Variants in GGACT observed in about 807,000 individuals in gnomAD.
GGACT encodes the protein gamma-glutamylaminecyclotransferase.
For synonymous variants in GGACT, 118 were observed against 115.3 expected, an observed-to-expected ratio of 1.02 and a Z score of -0.15; for missense variants, 241 against 233.2, an observed-to-expected ratio of 1.03 and a Z score of -0.22.
intron 2 of GGACT, among the ~76,000 whole-genome samples, chr13:100,543,485 A>C (rs1019558351): frequency 1.3e-5 from 2 of 152,160 alleles, no homozygotes; most frequent in Admixed American, 6.5e-5. Flanking sequence ...GATTGCAGGC[A>C]TGAGCCAGCA....
chr13:100,540,071 C>T, intron 2 of GGACT: 10 of 1,364,016 alleles, frequency 7.3e-6, no homozygotes, highest in South Asian at 3.5e-5. Context: ...ACATAGGCAT[C>T]GAAGACGCTC....
At position 100,581,019 on chromosome 13, in the gene GGACT, CA is replaced by C. The variant is rs1367603415; in HGVS notation, c.-11+2805del. 1.7e-4 allele frequency among the ~76,000 whole-genome samples: 26 copies of C among 152,296 alleles called. No individual in the cohort carries two copies. The East Asian group carries it at 4.8e-3, about 28-fold the overall frequency. ...CACTGTTGGAATGGGAGGTGAGAGA[CA>C]GCAGGGAAAACGCAAGAGTGATCCA... On this transcript the variant is annotated intron_variant, in intron 2 of 2. Coordinates refer to ENST00000683975, the MANE Select transcript of GGACT (RefSeq NM_001195087.2).
At chr13:100,585,893 A>ACTC (rs916221509) in intron 1 of GGACT, among the ~76,000 whole-genome samples, 2 of 147,700 alleles carry the variant, frequency 1.4e-5, no homozygotes, top group Admixed American at 7.1e-5. Context: ...AATCCCAACT[A>ACTC]CTCAGGAGGC....
At chr13:100,533,148 C>T (rs80286991) in intron 2 of GGACT, 2,572 of 161,278 alleles carry the variant, frequency 0.016, 29 homozygotes, top group Middle Eastern at 0.035. Flanking sequence ...CACCAGCCTT[C>T]CACCCTTCCC....
intron 2 of GGACT, among the ~76,000 whole-genome samples, chr13:100,547,662 T>C (rs1319126846): frequency 6.6e-6 from 1 of 152,214 alleles, no homozygotes; most frequent in Non-Finnish European, 1.5e-5. Flanking sequence ...CCAAAGCATT[T>C]CTACAGATTT....
rs904629337 is a variant in GGACT, at chr13:100,532,071, G to T, written c.*59C>A. 7.8e-7 allele frequency: 1 copy of T among 1,284,274 alleles called. No individual in the cohort carries two copies. Among genetic ancestry groups the T allele is most frequent in the South Asian group, 1.9e-5 (1 of 51,808 alleles). 79.6% of individuals were successfully genotyped at this position (1,284,274 alleles called of 1,614,324 possible). Reference sequence around the variant, plus strand: ...CGGCTTCCGCCTTCACCCAGCATGGGCTGGGCGCATCTTGGAGCCCCAGGG... The same window carrying T: ...CGGCTTCCGCCTTCACCCAGCATGGTCTGGGCGCATCTTGGAGCCCCAGGG... On this transcript the variant is annotated 3_prime_UTR_variant, in exon 3 of 3. Coordinates refer to ENST00000683975, the MANE Select transcript of GGACT (RefSeq NM_001195087.2).
rs1365809152 is a variant in GGACT at position 100,532,559 on chromosome 13, CT to C, written c.32del (p.Lys11SerfsTer33). 2.6e-6 allele frequency: 4 copies of C among 1,546,882 alleles called. No individual in the cohort carries two copies. The African/African-American group carries it at 5.5e-5, about 21-fold the overall frequency. The part of the protein sequence containing the change: MALVFVYGTL[K>X]RGQPNHRVLR... Reference sequence around the variant, plus strand: ...GGACCCTGTGGTTGGGCTGACCCCGCTTCAGGGTGCCGTACACGAAGACTAG... The same window carrying C: ...GGACCCTGTGGTTGGGCTGACCCCGCTCAGGGTGCCGTACACGAAGACTAG... On this transcript the variant is annotated frameshift_variant, in exon 3 of 3. Transcript: ENST00000683975. LOFTEE classifies it low-confidence loss of function (END_TRUNC).
At chr13:100,553,642 G>A (rs1241414080) in intron 2 of GGACT, among the ~76,000 whole-genome samples, 4 of 152,006 alleles carry the variant, frequency 2.6e-5, no homozygotes, top group Admixed American at 6.6e-5. Context: ...TCAGGAGTTC[G>A]GGACCAGCCT....
intron 2 of GGACT, chr13:100,537,814 A>G (rs2088511808): frequency 6.6e-6 from 1 of 152,264 alleles, no homozygotes; most frequent in African/African-American, 2.4e-5. Context: ...TTTGGAACAG[A>G]GTTGTAAGAT....
chr13:100,555,335 G>A (rs2088701017), intron 2 of GGACT, among the ~76,000 whole-genome samples: 1 of 152,010 alleles, frequency 6.6e-6, no homozygotes, highest in Admixed American at 6.6e-5. Flanking sequence ...GACCAGCCTG[G>A]GCAACACAGC....
rs563327146 is a variant in GGACT at position 100,545,055 on chromosome 13, T to G, written c.-10-12454A>C. Among the ~76,000 whole-genome samples, 4 of 152,278 alleles carry G rather than the reference T, an allele frequency of 2.6e-5. No individual in the cohort carries two copies. In the East Asian group the frequency reaches 7.7e-4, roughly 29 times the overall value. ...AGCAGGAGGCAGAGCCAGGAACACA[T>G]GCTGGGCAGGCGGCCAGCGGCCCAA... On this transcript the variant is annotated intron_variant, in intron 2 of 2. Transcript: ENST00000683975. The surrounding 1 kb of genome is among the most constrained non-coding windows in gnomAD (Gnocchi z 4.4).
intron 2 of GGACT, among the ~76,000 whole-genome samples, chr13:100,560,694 C>T (rs1358055056): frequency 3.3e-5 from 5 of 152,220 alleles, no homozygotes; most frequent in African/African-American, 1.2e-4. Context: ...GAGCTCCACG[C>T]GATCCCTTTA....
chr13:100,587,851 C>A (rs559628549), intron 1 of GGACT, among the ~76,000 whole-genome samples: 9 of 152,324 alleles, frequency 5.9e-5, no homozygotes, highest in Admixed American at 5.2e-4. Flanking sequence ...CATGGTGAAA[C>A]CCTGTCTCTA....
intron 2 of GGACT, among the ~76,000 whole-genome samples, chr13:100,579,467 T>C (rs941048827): frequency 6.6e-6 from 1 of 152,046 alleles, no homozygotes; most frequent in African/African-American, 2.4e-5. Context: ...CCAGAACCCC[T>C]TTCCCCAAAG....
intron 2 of GGACT, among the ~76,000 whole-genome samples, chr13:100,566,378 G>T (rs117168066): frequency 1.3e-5 from 2 of 152,322 alleles, no homozygotes; most frequent in East Asian, 3.9e-4. Flanking sequence ...TTGCTTTCTC[G>T]GTTGCTACTG....
chr13:100,540,323 A>G, intron 2 of GGACT: 1 of 775,056 alleles, frequency 1.3e-6, no homozygotes, highest in Non-Finnish European at 2.3e-6. Flanking sequence ...CAGTCTCTTT[A>G]CTAGTTGTAG....
intron 2 of GGACT, among the ~76,000 whole-genome samples, chr13:100,553,700 T>C (rs939435768): frequency 6.6e-5 from 10 of 151,948 alleles, no homozygotes; most frequent in African/African-American, 2.4e-4. Flanking sequence ...AAAAATTAGC[T>C]AGGCGTGGTG....
chr13:100,542,899 C>T (rs968192059), intron 2 of GGACT, among the ~76,000 whole-genome samples: 6 of 152,312 alleles, frequency 3.9e-5, no homozygotes, highest in African/African-American at 1.2e-4. Flanking sequence ...CTTCTTGAAA[C>T]GCAGTCCGTC....
intron 2 of GGACT, chr13:100,536,510 T>A (rs1356452068): frequency 6.6e-6 from 1 of 151,868 alleles, no homozygotes; most frequent in Non-Finnish European, 1.5e-5. Context: ...GTTGTGTGTT[T>A]TTTTTTTCAA....
Sources: gnomAD v4.1 joint callset for allele counts (sites outside exome capture counted in the v4.1 genomes callset) on GRCh38, gnomAD v4.1.1 for gene constraint, Gnocchi (gnomAD v3.1) non-coding constraint, MANE v1.5 for transcripts, NCBI Gene and HGNC (gene_info 2026-07-23, HGNC 2026-07-21) for gene names.